Variants in TMPRSS6 observed in about 807,000 individuals in gnomAD.
TMPRSS6 encodes transmembrane serine protease 6.
In TMPRSS6, 67 loss-of-function variants were observed where a neutral mutation model predicts 101.5. The ratio of observed to expected loss-of-function variants is 0.66; its 90% CI spans 0.54 to 0.81. The LOEUF (loss-of-function observed/expected upper bound fraction) is 0.81, where lower values mean the gene tolerates loss of function less well. TMPRSS6 is among the 30% of genes least tolerant of loss of function. TMPRSS6 has a pLI of 0.00. For synonymous variants in TMPRSS6, 453 were observed against 464.9 expected (o/e 0.97, Z 0.33); for missense variants, 1,034 against 1,088.7 (o/e 0.95, Z 0.71).
intron 10 of TMPRSS6, among the ~76,000 whole-genome samples, chr22:37,080,769 G>A (rs911218897): frequency 7.2e-5 from 11 of 152,274 alleles, no homozygotes; most frequent in East Asian, 5.8e-4. Context: ...TTCCCAGGCC[G>A]CTCTGGAACT....
chr22:37,084,792 C>G lies in TMPRSS6; in HGVS notation c.1021G>C (p.Val341Leu), dbSNP rs201126963. 2 of 1,564,908 alleles carry G rather than the reference C, an allele frequency of 1.3e-6. No individual in the cohort carries two copies. Among genetic ancestry groups the G allele is most frequent in the South Asian group, 2.4e-5 (2 of 85,010 alleles). Residue 341 changes from valine to leucine, a missense_variant, in exon 9 of 18, where the codon GTC becomes CTC. Coordinates refer to ENST00000676104, the MANE Select transcript of TMPRSS6 (RefSeq NM_001374504.1). Reference sequence around the variant, plus strand: ...CTGGGGAAGTACGGGGTGCTGAGGACGCCCTGGGAGTCGAGCCTGTTGTCC... The same window carrying G: ...CTGGGGAAGTACGGGGTGCTGAGGAGGCCCTGGGAGTCGAGCCTGTTGTCC... ...TLDNRLDSQG[V>L]LSTPYFPSYY...
At chr22:37,093,371 CCTTT>C (rs1569018875) in intron 6 of TMPRSS6, among the ~76,000 whole-genome samples, 7 of 143,800 alleles carry the variant, frequency 4.9e-5, no homozygotes, top group African/African-American at 7.9e-5. Flanking sequence ...CTTTTCCTTT[CCTTT>C]CTTTCTTTCT....
At chr22:37,085,382 A>G (rs967750526) in intron 8 of TMPRSS6, among the ~76,000 whole-genome samples, 5 of 152,328 alleles carry the variant, frequency 3.3e-5, no homozygotes, top group African/African-American at 1.2e-4. Flanking sequence ...TCCCAAGGGA[A>G]CAGCTCTGCT....
chr22:37,093,340 A>T (rs958782437), intron 6 of TMPRSS6, among the ~76,000 whole-genome samples: 9 of 151,900 alleles, frequency 5.9e-5, no homozygotes, highest in Non-Finnish European at 1.0e-4. Flanking sequence ...TTGCAGGAGA[A>T]AAAATAACTT....
intron 3 of TMPRSS6, among the ~76,000 whole-genome samples, chr22:37,097,330 G>C (rs114477604): frequency 0.015 from 2,210 of 152,318 alleles, 70 homozygotes; most frequent in African/African-American, 0.05. Flanking sequence ...CTGGGAAACA[G>C]TAGTTGGGAG....
rs144433190 is a variant in TMPRSS6, at chr22:37,099,258, G to A, written c.203-709C>T. Among the ~76,000 whole-genome samples the A allele has an allele frequency of 1.6e-3, 251 of 152,340 alleles. 2 individuals are homozygous for A. The highest frequency in any genetic ancestry group is 5.4e-3 in the African/African-American group (223 of 41,578). On this transcript the variant is annotated intron_variant, in intron 2 of 17. Coordinates refer to ENST00000676104, the MANE Select transcript of TMPRSS6 (RefSeq NM_001374504.1). ...CAGCAGAGGGAGCAGCATGGGGCAC[G>A]GGGCCGGTAGCACGGGGACCATGGT...
intron 2 of TMPRSS6, among the ~76,000 whole-genome samples, chr22:37,098,927 G>T (rs559714553): frequency 2.6e-5 from 4 of 152,210 alleles, no homozygotes; most frequent in Non-Finnish European, 5.9e-5. Context: ...TTCCACTCGT[G>T]AGGTCACCCA....
chr22:37,089,850 G>A (rs924053927), intron 6 of TMPRSS6, 68 bp from the exon 7 acceptor site: 9 of 1,493,028 alleles, frequency 6.0e-6, no homozygotes, highest in African/African-American at 1.4e-5. Context: ...TGGGGAGCCA[G>A]GTCCCTCAAG....
chr22:37,085,924 C>A (rs969303259), intron 8 of TMPRSS6, among the ~76,000 whole-genome samples: 4 of 150,180 alleles, frequency 2.7e-5, no homozygotes, highest in African/African-American at 9.8e-5. Flanking sequence ...GGGTGAGGGG[C>A]AGAGGGGAGG....
intron 14 of TMPRSS6, 26 bp from the exon 15 acceptor site, chr22:37,070,678 T>C (rs1294984436): frequency 6.3e-7 from 1 of 1,583,892 alleles, no homozygotes; most frequent in South Asian, 1.1e-5. Flanking sequence ...GGTGGTGGGG[T>C]GGACAGAGGA....
chr22:37,086,641 C>T (rs1279861471), intron 7 of TMPRSS6, among the ~76,000 whole-genome samples: 2 of 152,260 alleles, frequency 1.3e-5, no homozygotes, highest in Admixed American at 6.5e-5. Flanking sequence ...GCTAGCTCCT[C>T]GGGTGAGAGA....
At chr22:37,078,725 A>G (rs575261736) in intron 10 of TMPRSS6, among the ~76,000 whole-genome samples, 2 of 149,190 alleles carry the variant, frequency 1.3e-5, no homozygotes, top group Non-Finnish European at 3.0e-5. Flanking sequence ...GGCGGAGGAG[A>G]AGAAGAAGAA....
rs768994166 is a variant in TMPRSS6, at chr22:37,066,799, TCTCC to T, written c.2250+23_2250+26del. 2.5e-6 allele frequency: 4 copies of T among 1,613,860 alleles called. No homozygotes were observed. The African/African-American group carries it at 4.0e-5, about 16-fold the overall frequency. ...TGGGCAGCATCCTTTCTCCCTCCTCTCTCCCTCCCATGCCCGGGGGACTCACCTG... is the reference window on the plus strand; with the variant it reads ...TGGGCAGCATCCTTTCTCCCTCCTCTCTCCCATGCCCGGGGGACTCACCTG... On this transcript the variant is annotated intron_variant, in intron 17 of 17. Transcript: ENST00000676104.
chr22:37,090,555 A>G (rs1271565782), intron 6 of TMPRSS6, among the ~76,000 whole-genome samples: 4 of 152,220 alleles, frequency 2.6e-5, no homozygotes, highest in Admixed American at 2.6e-4. Flanking sequence ...AGCATTTGCT[A>G]CAGGCCAGAA....
At chr22:37,075,333 C>T (rs779265370) in intron 10 of TMPRSS6, 53 bp from the exon 11 acceptor site, 24 of 1,607,824 alleles carry the variant, frequency 1.5e-5, no homozygotes, top group African/African-American at 4.0e-5. Context: ...TCCTGGGTCC[C>T]GTGCACAGAC....
intron 13 of TMPRSS6, among the ~76,000 whole-genome samples, chr22:37,072,462 G>GATGGATGGATGATGGATGA (rs1436843880): frequency 2.0e-5 from 3 of 146,522 alleles, no homozygotes; most frequent in Non-Finnish European, 4.5e-5. Context: ...ATGATGGATG[G>GATGGATGGATGATGGATGA]ATGGATGGAT....
intron 10 of TMPRSS6, among the ~76,000 whole-genome samples, chr22:37,083,339 G>T (rs191065262): frequency 6.6e-6 from 1 of 152,086 alleles, no homozygotes; most frequent in Non-Finnish European, 1.5e-5. Context: ...TGGAGCCATG[G>T]GAGGGCCTCC....
At chr22:37,097,676 G>A (rs1409156492) in intron 3 of TMPRSS6, among the ~76,000 whole-genome samples, 17 of 150,198 alleles carry the variant, frequency 1.1e-4, no homozygotes, top group African/African-American at 3.9e-4. Flanking sequence ...GTCCTGTAAC[G>A]GAGGGGCAGG....
chr22:37,098,376 C>T (rs1930006397), intron 3 of TMPRSS6, 40 bp downstream of exon 3: 2 of 1,613,854 alleles, frequency 1.2e-6, no homozygotes, highest in Admixed American at 3.3e-5. Flanking sequence ...TCTTTTCACC[C>T]CCATATTCCC....
Sources: gnomAD v4.1 joint callset for allele counts (sites outside exome capture counted in the v4.1 genomes callset) on GRCh38, gnomAD v4.1.1 for gene constraint, MANE v1.5 for transcripts, NCBI Gene and HGNC (gene_info 2026-07-23, HGNC 2026-07-21) for gene names.